WDHD1: variants seen among roughly 807,000 people sequenced by gnomAD.
WDHD1 encodes the protein WD repeat and HMG-box DNA binding protein 1, also known as WD repeat and HMG-box DNA-binding protein 1.
Under a neutral mutation model 135.4 loss-of-function variants are expected in WDHD1, and 111 were observed. That is an observed-to-expected ratio of 0.82 (90% CI 0.70 to 0.96). The LOEUF (loss-of-function observed/expected upper bound fraction) is 0.96, where lower values mean the gene tolerates loss of function less well. Ranked by LOEUF, WDHD1 falls within the 40% of genes least tolerant of loss-of-function variation. The probability of loss-of-function intolerance (pLI) is 0.00; values close to 1 mark genes in which losing one functional copy is unlikely to be tolerated. For missense variants in WDHD1, 1,351 were observed against 1,336.3 expected (o/e 1.01, Z -0.17); for synonymous variants, 434 against 439.0 (o/e 0.99, Z 0.14).
At chr14:54,969,865 T>G (rs1235642303) in intron 16 of WDHD1, among the ~76,000 whole-genome samples, 1 of 152,178 alleles carries the variant, frequency 6.6e-6, no homozygotes, top group Non-Finnish European at 1.5e-5. Flanking sequence ...ACCAGTAGGT[T>G]TTACTCCTGG....
At chr14:54,966,357 A>AC (rs58133286) in intron 18 of WDHD1, 118 bp downstream of exon 18, 204 of 1,308,536 alleles carry the variant, frequency 1.6e-4, no homozygotes, top group Admixed American at 1.5e-3. Flanking sequence ...AACAACAACA[A>AC]AAAAAAACTT....
At chr14:54,995,580 C>T (rs2041863842) in intron 11 of WDHD1, 23 bp downstream of exon 11, 2 of 1,548,034 alleles carry the variant, frequency 1.3e-6, no homozygotes, top group East Asian at 2.3e-5. Context: ...AGGGTAATCA[C>T]ATGCACAAAG....
In WDHD1 at chr14:55,010,441, G is replaced by A. The variant is rs779235605; in HGVS notation, c.209C>T (p.Ala70Val). 26 of 1,592,052 alleles carry A rather than the reference G, an allele frequency of 1.6e-5. No homozygotes were observed. The East Asian group carries it at 5.4e-4, about 33-fold the overall frequency. Residue 70 changes from alanine (A) to valine (V), a missense_variant, in exon 4 of 26, where the codon GCA (alanine) becomes GTA (valine). Coordinates refer to ENST00000360586, the MANE Select transcript of WDHD1 (RefSeq NM_007086.4). Reference sequence around the variant, plus strand: ...GACTTGAATAGTATTATTAGAAACTGCAGTGACCAGTTTTCCACTCTAAAA... The same window carrying A: ...GACTTGAATAGTATTATTAGAAACTACAGTGACCAGTTTTCCACTCTAAAA... ...CALKSGKLVT[A>V]VSNNTIQVHT...
chr14:54,948,200 G>A (rs187626536), intron 24 of WDHD1, among the ~76,000 whole-genome samples: 1 of 152,234 alleles, frequency 6.6e-6, no homozygotes, highest in Admixed American at 6.5e-5. Flanking sequence ...GTCGGACAGT[G>A]GGCGCAGAAC....
intron 21 of WDHD1, among the ~76,000 whole-genome samples, chr14:54,958,467 A>G (rs2041196963): frequency 6.6e-6 from 1 of 151,922 alleles, no homozygotes. Context: ...CACTATTATC[A>G]TTTCCTCACC....
At chr14:54,970,043 C>T (rs1168350011) in intron 16 of WDHD1, among the ~76,000 whole-genome samples, 4 of 152,152 alleles carry the variant, frequency 2.6e-5, no homozygotes, top group Non-Finnish European at 5.9e-5. Flanking sequence ...ATTGAAGGAA[C>T]ATAACTCAAA....
intron 10 of WDHD1, 24 bp from the exon 11 acceptor site, chr14:54,995,837 T>C: frequency 1.3e-6 from 2 of 1,486,166 alleles, no homozygotes; most frequent in Non-Finnish European, 9.0e-7. Flanking sequence ...ATACAAATTA[T>C]AAAGTAAAAG....
intron 24 of WDHD1, among the ~76,000 whole-genome samples, chr14:54,955,320 T>C (rs1480357248): frequency 2.6e-5 from 4 of 152,180 alleles, no homozygotes; most frequent in Non-Finnish European, 5.9e-5. Context: ...CAAAATATAA[T>C]GTCCCAATAA....
At chr14:55,022,177 T>C (rs188130060) in intron 2 of WDHD1, among the ~76,000 whole-genome samples, 8 of 152,350 alleles carry the variant, frequency 5.3e-5, no homozygotes, top group African/African-American at 1.7e-4. Flanking sequence ...AGCAAGATAC[T>C]TTCTGACTTC....
intron 24 of WDHD1, among the ~76,000 whole-genome samples, chr14:54,949,615 A>G (rs2041005169): frequency 6.6e-6 from 1 of 152,332 alleles, no homozygotes; most frequent in Non-Finnish European, 1.5e-5. Context: ...CAACCTAGCA[A>G]GGCAGGCCAA....
At chr14:54,966,448 C>T (rs375997142) in intron 18 of WDHD1, 27 bp downstream of exon 18, 25 of 1,580,100 alleles carry the variant, frequency 1.6e-5, no homozygotes, top group Middle Eastern at 2.3e-4. Context: ...TTAACTTTAA[C>T]GTTTTCAGTA....
intron 11 of WDHD1, among the ~76,000 whole-genome samples, chr14:54,994,198 A>C (rs2041840672): frequency 6.6e-6 from 1 of 152,212 alleles, no homozygotes; most frequent in Non-Finnish European, 1.5e-5. Flanking sequence ...TTACAATCTC[A>C]ATTTCTTTAA....
intron 16 of WDHD1, among the ~76,000 whole-genome samples, chr14:54,972,596 A>G (rs12894439): frequency 4.2e-5 from 6 of 141,632 alleles, no homozygotes; most frequent in Non-Finnish European, 6.1e-5. Context: ...AAAAATGCCA[A>G]TGAGGCATAT....
chr14:54,942,133 C>A (rs2140142836), intron 25 of WDHD1, among the ~76,000 whole-genome samples: 1 of 152,042 alleles, frequency 6.6e-6, no homozygotes, highest in Non-Finnish European at 1.5e-5. Flanking sequence ...CGCCTGTAGT[C>A]CCAGCTACTT....
chr14:54,944,187 C>A (rs890343869), intron 25 of WDHD1, 145 bp downstream of exon 25: 8 of 893,720 alleles, frequency 9.0e-6, no homozygotes, highest in African/African-American at 3.5e-5. Context: ...GTCACGAACT[C>A]CTGAGCTCAA....
At position 55,013,613 on chromosome 14, in the gene WDHD1, C is replaced by A. The variant is rs781560002; in HGVS notation, c.78-17G>T. 4 of 1,594,940 alleles carry A rather than the reference C, an allele frequency of 2.5e-6. No individual in the cohort carries two copies. In the African/African-American group the frequency reaches 5.4e-5, roughly 21 times the overall value. Reference sequence around the variant, plus strand: ...ACAATAAAACTGTGAAGAAAAGACACAAATTAAAGTCATCGGGCATGGTGT... The same window carrying A: ...ACAATAAAACTGTGAAGAAAAGACAAAAATTAAAGTCATCGGGCATGGTGT... On this transcript the variant is annotated splice_polypyrimidine_tract_variant and intron_variant, in intron 2 of 25. Coordinates refer to ENST00000360586, the MANE Select transcript of WDHD1 (RefSeq NM_007086.4).
intron 7 of WDHD1, among the ~76,000 whole-genome samples, chr14:55,003,617 G>C (rs758994107): frequency 7.1e-6 from 1 of 140,888 alleles, no homozygotes; most frequent in Non-Finnish European, 1.5e-5. Context: ...AGGCTGGAGA[G>C]AAGTAGTGCC....
intron 16 of WDHD1, among the ~76,000 whole-genome samples, chr14:54,974,852 G>A (rs1432646283): frequency 1.3e-5 from 2 of 152,036 alleles, no homozygotes; most frequent in Non-Finnish European, 2.9e-5. Flanking sequence ...TGCCAAACTG[G>A]AGAAAACTAG....
chr14:54,994,399 T>G (rs1301563599), intron 11 of WDHD1, among the ~76,000 whole-genome samples: 1 of 152,176 alleles, frequency 6.6e-6, no homozygotes, highest in African/African-American at 2.4e-5. Context: ...GTTACAGCTG[T>G]AATTTTAAAT....
Sources: gnomAD v4.1 joint callset for allele counts (sites outside exome capture counted in the v4.1 genomes callset) on GRCh38, gnomAD v4.1.1 for gene constraint, MANE v1.5 for transcripts, NCBI Gene and HGNC (gene_info 2026-07-23, HGNC 2026-07-21) for gene names.